The following SLC71A1 variants were observed in gnomAD, a reference collection of about 807,000 sequenced individuals.
The protein encoded by SLC71A1 is hippocampus abundant gene transcript 1.
chr1:100,043,716 G>A, the SLC71A1 span, among the ~76,000 whole-genome samples: 1 of 152,106 alleles, frequency 6.6e-6, no homozygotes, highest in Admixed American at 6.5e-5. Flanking sequence ...TCCCTCTCAA[G>A]CTTCCCCCCC....
chr1:100,045,447 G>A, the SLC71A1 span, among the ~76,000 whole-genome samples: 1 of 152,074 alleles, frequency 6.6e-6, no homozygotes, highest in African/African-American at 2.4e-5. Flanking sequence ...GCAAACAGTG[G>A]CAGTTTGATT....
the SLC71A1 span, among the ~76,000 whole-genome samples, chr1:100,066,857 C>A: frequency 6.6e-6 from 1 of 151,852 alleles, no homozygotes; most frequent in African/African-American, 2.4e-5. Context: ...GGCGAGGTGG[C>A]GGGCGCCTGT....
chr1:100,042,279 G>T, the SLC71A1 span, among the ~76,000 whole-genome samples: 116 of 152,308 alleles, frequency 7.6e-4, no homozygotes, highest in Middle Eastern at 3.4e-3. Flanking sequence ...AGAAAGTAAG[G>T]CATATCTGAA....
At chr1:100,066,107 C>T in the SLC71A1 span, among the ~76,000 whole-genome samples, 1 of 152,184 alleles carries the variant, frequency 6.6e-6, no homozygotes, top group Non-Finnish European at 1.5e-5. Flanking sequence ...TCTTCATCTT[C>T]ACCAGGCTTA....
the SLC71A1 span, chr1:100,043,008 A>G: frequency 3.9e-6 from 3 of 771,740 alleles, no homozygotes; most frequent in African/African-American, 3.8e-5. Flanking sequence ...CCTTACCTCC[A>G]TGGTTCAGTG....
the SLC71A1 span, chr1:100,083,117 G>C: frequency 6.6e-6 from 1 of 152,472 alleles, no homozygotes; most frequent in Non-Finnish European, 1.5e-5. Context: ...CAGGACCCTA[G>C]AGGAGAGCTT....
At chr1:100,082,906 T>A in the SLC71A1 span, 9 of 152,566 alleles carry the variant, frequency 5.9e-5, no homozygotes, top group Non-Finnish European at 1.2e-4. Flanking sequence ...CCCAGCTACT[T>A]CTTATACCAC....
At chr1:100,059,144 G>GTTTTTTTTTTTTTTTTTTTT in the SLC71A1 span, among the ~76,000 whole-genome samples, 24 of 75,428 alleles carry the variant, frequency 3.2e-4, 5 homozygotes, top group African/African-American at 1.4e-3. Context: ...TCTTTTTCGT[G>GTTTTTTTTTTTTTTTTTTTT]TTTTTTTTTT....
chr1:100,044,209 T>C, the SLC71A1 span, among the ~76,000 whole-genome samples: 1 of 152,160 alleles, frequency 6.6e-6, no homozygotes, highest in Non-Finnish European at 1.5e-5. Flanking sequence ...ATCCACACCA[T>C]CTATTATTTT....
At chr1:100,078,713 GTAGA>G in the SLC71A1 span, 1 of 528,306 alleles carries the variant, frequency 1.9e-6, no homozygotes, top group Non-Finnish European at 3.4e-6. Flanking sequence ...TTATCCTTAG[GTAGA>G]TACATATTCC....
chr1:100,064,939 G>T, the SLC71A1 span, among the ~76,000 whole-genome samples: 1 of 152,054 alleles, frequency 6.6e-6, no homozygotes, highest in East Asian at 1.9e-4. Flanking sequence ...AGGCTGGAGT[G>T]CAGTGGTGCC....
the SLC71A1 span, among the ~76,000 whole-genome samples, chr1:100,064,173 G>A: frequency 1.2e-4 from 18 of 152,184 alleles, no homozygotes; most frequent in South Asian, 2.1e-4. Flanking sequence ...ACGGAGTCTC[G>A]CTCTGTCACC....
the SLC71A1 span, among the ~76,000 whole-genome samples, chr1:100,048,146 A>G: frequency 6.6e-6 from 1 of 151,780 alleles, no homozygotes; most frequent in Non-Finnish European, 1.5e-5. Context: ...GGTGGTGAAC[A>G]TGGTGGACAA....
chr1:100,056,953 C>T, the SLC71A1 span, among the ~76,000 whole-genome samples: 1 of 152,112 alleles, frequency 6.6e-6, no homozygotes, highest in Non-Finnish European at 1.5e-5. Context: ...TTTTCATATA[C>T]CTATTGGTCA....
the SLC71A1 span, chr1:100,082,384 C>CAAAG: frequency 1.7e-6 from 1 of 584,248 alleles, no homozygotes; most frequent in Non-Finnish European, 3.0e-6. Flanking sequence ...GACAGTTTTC[C>CAAAG]AAAGATGTTA....
chr1:100,063,116 A>ACAC, the SLC71A1 span, among the ~76,000 whole-genome samples: 1 of 152,086 alleles, frequency 6.6e-6, no homozygotes, highest in Admixed American at 6.6e-5. Flanking sequence ...TGTTATGCAA[A>ACAC]CACCACCATA....
the SLC71A1 span, among the ~76,000 whole-genome samples, chr1:100,039,488 A>G: frequency 6.6e-6 from 1 of 152,238 alleles, no homozygotes; most frequent in African/African-American, 2.4e-5. Flanking sequence ...TTTGGAATAT[A>G]TTTTTAGTTT....
chr1:100,038,679 C>CGCCTT, the SLC71A1 span, among the ~76,000 whole-genome samples: 1 of 152,126 alleles, frequency 6.6e-6, no homozygotes, highest in Non-Finnish European at 1.5e-5. Context: ...AGCCTCGCCT[C>CGCCTT]GCCTTCGCCG....
the SLC71A1 span, among the ~76,000 whole-genome samples, chr1:100,051,091 A>G: frequency 6.8e-6 from 1 of 147,434 alleles, no homozygotes; most frequent in African/African-American, 2.5e-5. Flanking sequence ...GTCTCAAAAA[A>G]AAAAAACAAA....
Sources: allele counts gnomAD v4.1 joint callset (sites outside exome capture counted in the v4.1 genomes callset), GRCh38; gene constraint gnomAD v4.1.1; transcripts MANE v1.5; gene names NCBI Gene and HGNC (gene_info 2026-07-23, HGNC 2026-07-21).